The following UGT1A7 variants were observed in gnomAD, a reference collection of about 807,000 sequenced individuals.
UGT1A7 encodes UDP-glucuronosyltransferase 1A7.
Under a neutral mutation model 45.6 loss-of-function variants are expected in UGT1A7, and 33 were observed. The ratio of observed to expected loss-of-function variants is 0.72; its 90% CI spans 0.55 to 0.97. UGT1A7 has a LOEUF of 0.97. Ranked by LOEUF, UGT1A7 falls within the 50% of genes least tolerant of loss-of-function variation. UGT1A7 has a pLI of 0.00. For synonymous variants in UGT1A7, 274 were observed against 250.6 expected (o/e 1.09, Z -0.88); for missense variants, 684 against 666.2 (o/e 1.03, Z -0.29).
rs1040596623 is a variant in UGT1A7, at chr2:233,743,965, G to C, written c.856-23069G>C. ...CAGGCACTGGCACAGCGAGCGGCAA[G>C]GCTGCCAGCACCCAGGCGCAGGCCC... On this transcript the variant is annotated intron_variant, in intron 1 of 4. Transcript: ENST00000373426. 3 of 1,330,116 alleles carry C rather than the reference G, an allele frequency of 2.3e-6. No homozygotes were observed. The African/African-American group carries it at 4.5e-5, about 20-fold the overall frequency. 82.4% of individuals were successfully genotyped at this position (1,330,116 alleles called of 1,614,324 possible). A position where few individuals can be genotyped will look rare whatever the true frequency, so the allele number is the denominator to read the frequency against.
At chr2:233,750,259 G>A (rs1161591814) in intron 1 of UGT1A7, among the ~76,000 whole-genome samples, 1 of 151,924 alleles carries the variant, frequency 6.6e-6, no homozygotes, top group Non-Finnish European at 1.5e-5. Flanking sequence ...GGTCACCCTT[G>A]CTATGCTTTA....
At chr2:233,690,656 A>G in intron 1 of UGT1A7, 1 of 1,283,474 alleles carries the variant, frequency 7.8e-7, no homozygotes, top group Non-Finnish European at 1.0e-6. Flanking sequence ...CTCCTACAGC[A>G]CCAACCAGGG....
chr2:233,757,194 T>A (rs1696434308), intron 1 of UGT1A7, among the ~76,000 whole-genome samples: 1 of 150,834 alleles, frequency 6.6e-6, no homozygotes, highest in Non-Finnish European at 1.5e-5. Context: ...GACTCTGAAT[T>A]TTCTGTGCCC....
intron 1 of UGT1A7, chr2:233,717,875 A>G: frequency 2.2e-6 from 1 of 454,872 alleles, no homozygotes; most frequent in Non-Finnish European, 4.4e-6. Flanking sequence ...GACTTGGAGA[A>G]AAGCCTGGCC....
rs34946978 is a variant in UGT1A7 at position 233,768,226 on chromosome 2, C to T, written c.1082C>T (p.Pro361Leu). 720 of 1,614,202 alleles carry T rather than the reference C, an allele frequency of 4.5e-4. 7 individuals carry two copies. The East Asian group carries it at 9.4e-3, about 21-fold the overall frequency. The change falls in exon 4 of 5, where the codon CCG becomes CTG. Residue 361 changes from proline to leucine, a missense_variant. By Grantham distance (98) the Pro-to-Leu change is moderately conservative. Transcript: ENST00000373426. Reference sequence around the variant, plus strand: ...TCCCTATTTTGCATCTCAGGTCACCCGATGACCCGTGCCTTTATCACCCAT... The same window carrying T: ...TCCCTATTTTGCATCTCAGGTCACCTGATGACCCGTGCCTTTATCACCCAT... The part of the protein sequence containing the change: ...WLPQNDLLGH[P>L]MTRAFITHAG...
chr2:233,693,424 G>A (rs1368569398), intron 1 of UGT1A7: 2 of 1,614,132 alleles, frequency 1.2e-6, no homozygotes, highest in East Asian at 4.5e-5. Flanking sequence ...ACTTCTTTAA[G>A]GAGAGCAAGT....
chr2:233,769,507 T>C lies in UGT1A7; in HGVS notation c.1295+1068T>C. 6.2e-7 allele frequency: 1 copy of C among 1,612,744 alleles called. No homozygotes were observed. Among genetic ancestry groups the C allele is most frequent in the South Asian group, 1.1e-5 (1 of 91,058 alleles). The stretch of plus-strand genomic sequence containing the variant: ...TGTGTTTATGAGAGTGTCCATTGCT[T>C]TCTCCCATGGTTACCTCCTTTAGAA... On this transcript the variant is annotated intron_variant, in intron 4 of 4. Coordinates refer to ENST00000373426, the MANE Select transcript of UGT1A7 (RefSeq NM_019077.3). This position sits in a 1 kb window ranked among gnomAD's most constrained non-coding sequence, Gnocchi z 4.4.
intron 1 of UGT1A7, among the ~76,000 whole-genome samples, chr2:233,727,564 G>A (rs1303726979): frequency 6.6e-6 from 1 of 152,214 alleles, no homozygotes; most frequent in Non-Finnish European, 1.5e-5. Flanking sequence ...CTCATCATGA[G>A]GGTGCTTAGG....
intron 1 of UGT1A7, chr2:233,717,938 T>A (rs2076617026): frequency 8.8e-6 from 4 of 453,788 alleles, no homozygotes; most frequent in East Asian, 7.0e-5. Context: ...TCAGTCTCTA[T>A]GCAGACTTGC....
intron 4 of UGT1A7, chr2:233,771,538 C>A (rs1369830347): frequency 1.3e-5 from 2 of 152,274 alleles, no homozygotes; most frequent in Non-Finnish European, 2.9e-5. Context: ...GGATTTGGCA[C>A]TTACAAATGG....
intron 1 of UGT1A7, among the ~76,000 whole-genome samples, chr2:233,696,879 A>G (rs566560461): frequency 1.3e-5 from 2 of 152,306 alleles, no homozygotes; most frequent in African/African-American, 2.4e-5. Flanking sequence ...TCTACAACAT[A>G]TGAGTTCTGT....
intron 1 of UGT1A7, chr2:233,721,879 C>T (rs2076978757): frequency 2.0e-6 from 1 of 493,898 alleles, no homozygotes; most frequent in South Asian, 1.5e-5. Flanking sequence ...ACTTGCCAGC[C>T]CCTCCATTGC....
chr2:233,749,046 C>T (rs1190467042), intron 1 of UGT1A7, among the ~76,000 whole-genome samples: 1 of 151,734 alleles, frequency 6.6e-6, no homozygotes, highest in Non-Finnish European at 1.5e-5. Flanking sequence ...ATGTGGTACT[C>T]TGGGACCTGA....
At chr2:233,696,958 A>G (rs1196242717) in intron 1 of UGT1A7, among the ~76,000 whole-genome samples, 2 of 152,210 alleles carry the variant, frequency 1.3e-5, no homozygotes, top group East Asian at 1.9e-4. Flanking sequence ...TCTTTTTAAC[A>G]TATTATTGGA....
chr2:233,688,542 C>T lies in UGT1A7; in HGVS notation c.855+5750C>T, dbSNP rs561616482. ...CCTAGAGTGGGTTTGACTTACATCA[C>T]ATGGTCTCTAATCCCTCAGCAAACA... is the stretch of plus-strand genomic sequence containing the variant. On this transcript the variant is annotated intron_variant, in intron 1 of 4. Coordinates refer to ENST00000373426, the MANE Select transcript of UGT1A7 (RefSeq NM_019077.3). Among the ~76,000 whole-genome samples, 94 of 152,312 alleles carry T rather than the reference C, an allele frequency of 6.2e-4. 1 individual carries two copies. The highest frequency in any genetic ancestry group is 1.3e-3 in the Non-Finnish European group (86 of 68,032).
chr2:233,729,076 T>C (rs907733585), intron 1 of UGT1A7: 3 of 1,612,000 alleles, frequency 1.9e-6, no homozygotes, highest in Non-Finnish European at 2.5e-6. Context: ...AAAGCAAATG[T>C]AGCAGGCACA....
chr2:233,753,001 T>C (rs1372117630), intron 1 of UGT1A7, among the ~76,000 whole-genome samples: 3 of 151,962 alleles, frequency 2.0e-5, no homozygotes, highest in African/African-American at 7.3e-5. Context: ...CATTCTATCC[T>C]ACCCAGAGTG....
chr2:233,752,750 C>G (rs1270384572), intron 1 of UGT1A7, among the ~76,000 whole-genome samples: 1 of 151,980 alleles, frequency 6.6e-6, no homozygotes, highest in African/African-American at 2.4e-5. Flanking sequence ...GTCTCTAAAA[C>G]AAACAAACAA....
intron 1 of UGT1A7, among the ~76,000 whole-genome samples, chr2:233,724,362 A>T (rs1231465010): frequency 6.9e-6 from 1 of 144,202 alleles, no homozygotes; most frequent in African/African-American, 2.6e-5. Context: ...TCCCTCCCGG[A>T]CGGGGTGGCT....
Sources: allele counts gnomAD v4.1 joint callset (sites outside exome capture counted in the v4.1 genomes callset), GRCh38; gene constraint gnomAD v4.1.1; non-coding constraint Gnocchi (gnomAD v3.1); transcripts MANE v1.5; gene names NCBI Gene and HGNC (gene_info 2026-07-23, HGNC 2026-07-21).